OSBPL6: variants seen among roughly 807,000 people sequenced by gnomAD.
OSBPL6 encodes oxysterol binding protein like 6, also known as oxysterol-binding protein-related protein 6.
A neutral mutation model predicts 125.8 loss-of-function variants in OSBPL6; 49 were observed. The observed-to-expected ratio is 0.39, with a 90% CI of 0.31 to 0.49. The LOEUF is 0.49. OSBPL6 is among the 20% of genes least tolerant of loss of function. The pLI, the probability that OSBPL6 is intolerant of heterozygous loss-of-function variation, is 0.88. For missense variants in OSBPL6, 986 were observed against 1,135.4 expected, an observed-to-expected ratio of 0.87 and a Z score of 1.89; for synonymous variants, 394 against 391.8, an observed-to-expected ratio of 1.01 and a Z score of -0.07.
At chr2:178,392,784 C>T (rs1695523663) in intron 23 of OSBPL6, among the ~76,000 whole-genome samples, 2 of 149,994 alleles carry the variant, frequency 1.3e-5, no homozygotes, top group African/African-American at 4.9e-5. Context: ...TCGCTCGAGC[C>T]TAGGATGTTG....
rs764473259 is a variant in OSBPL6, at chr2:178,348,524, GA to G, written c.988-695del. 7.9e-5 allele frequency among the ~76,000 whole-genome samples: 12 copies of G among 152,240 alleles called. No individual in the cohort carries two copies. The East Asian group carries it at 2.3e-3, about 29-fold the overall frequency. ...GCAAGGAAGTACCTCTAGCCATGTG[GA>G]AAAATCTATAGTAATATGACTTTTT... On this transcript the variant is annotated intron_variant, in intron 11 of 24. Transcript: ENST00000190611.
intron 18 of OSBPL6, 48 bp downstream of exon 18, chr2:178,384,224 GT>G: frequency 1.9e-6 from 3 of 1,580,452 alleles, no homozygotes; most frequent in Non-Finnish European, 2.6e-6. Flanking sequence ...TAAGAGGACA[GT>G]TCGGTGATGA....
At chr2:178,325,379 CTT>C (rs1688605492) in intron 4 of OSBPL6, among the ~76,000 whole-genome samples, 1 of 152,184 alleles carries the variant, frequency 6.6e-6, no homozygotes, top group African/African-American at 2.4e-5. Context: ...ACTTGAACCT[CTT>C]TAAACTGTAA....
intron 1 of OSBPL6, among the ~76,000 whole-genome samples, chr2:178,223,393 G>A (rs903887260): frequency 2.0e-5 from 3 of 152,140 alleles, no homozygotes; most frequent in Non-Finnish European, 4.4e-5. Flanking sequence ...TAGAGACATG[G>A]ATTTCTTGTC....
At chr2:178,328,866 T>C (rs1245864706) in intron 5 of OSBPL6, among the ~76,000 whole-genome samples, 1 of 152,226 alleles carries the variant, frequency 6.6e-6, no homozygotes, top group African/African-American at 2.4e-5. Context: ...AGATCTGTAA[T>C]ATACATATGG....
intron 1 of OSBPL6, among the ~76,000 whole-genome samples, chr2:178,268,154 C>T (rs952208546): frequency 6.6e-6 from 1 of 150,518 alleles, no homozygotes; most frequent in Non-Finnish European, 1.5e-5. Context: ...GTGATCTTGG[C>T]TCACTGCAAC....
intron 2 of OSBPL6, among the ~76,000 whole-genome samples, chr2:178,292,286 A>G (rs1685354867): frequency 1.3e-5 from 2 of 152,204 alleles, no homozygotes; most frequent in Admixed American, 1.3e-4. Flanking sequence ...TAATATTTTA[A>G]TAAGTCTAAC....
chr2:178,264,299 C>T (rs2092160294), intron 1 of OSBPL6, among the ~76,000 whole-genome samples: 1 of 152,096 alleles, frequency 6.6e-6, no homozygotes, highest in Non-Finnish European at 1.5e-5. Context: ...GGCATCATTT[C>T]CTTTAAAGAC....
chr2:178,244,651 A>G (rs1191550318), intron 1 of OSBPL6, among the ~76,000 whole-genome samples: 1 of 152,202 alleles, frequency 6.6e-6, no homozygotes, highest in Non-Finnish European at 1.5e-5. Context: ...ATAGTTTTAT[A>G]TGATTCTGAA....
intron 1 of OSBPL6, among the ~76,000 whole-genome samples, chr2:178,266,590 C>T (rs1008520385): frequency 6.6e-6 from 1 of 152,166 alleles, no homozygotes; most frequent in Non-Finnish European, 1.5e-5. Flanking sequence ...TGCTCGGATC[C>T]TGCAGGTCAG....
intron 3 of OSBPL6, among the ~76,000 whole-genome samples, chr2:178,308,194 C>T (rs920288715): frequency 1.3e-4 from 20 of 152,204 alleles, no homozygotes; most frequent in African/African-American, 4.8e-4. Context: ...CTGTCTACCT[C>T]CCTAAGGGGA....
At chr2:178,333,163 G>A (rs1022856012) in intron 8 of OSBPL6, 122 bp downstream of exon 8, 24 of 1,026,628 alleles carry the variant, frequency 2.3e-5, no homozygotes, top group South Asian at 6.0e-5. Flanking sequence ...CGGGTGGATC[G>A]CCTGACAGCC....
chr2:178,216,234 G>C (rs967861277), intron 1 of OSBPL6, among the ~76,000 whole-genome samples: 2 of 152,148 alleles, frequency 1.3e-5, no homozygotes, highest in African/African-American at 4.8e-5. Context: ...GGGGAAAAAG[G>C]ATTACATTCA....
chr2:178,249,761 G>A (rs1335497886), intron 1 of OSBPL6, among the ~76,000 whole-genome samples: 1 of 150,508 alleles, frequency 6.6e-6, no homozygotes, highest in African/African-American at 2.5e-5. Context: ...GGCACCCAGA[G>A]ACTGACTTTC....
intron 1 of OSBPL6, among the ~76,000 whole-genome samples, chr2:178,275,908 G>A (rs2092459738): frequency 6.6e-6 from 1 of 152,138 alleles, no homozygotes; most frequent in East Asian, 1.9e-4. Flanking sequence ...ACTTTTTCCA[G>A]ATGAGGAACC....
At chr2:178,382,603 C>T (rs1260091931) in intron 16 of OSBPL6, 96 bp downstream of exon 16, 5 of 1,562,540 alleles carry the variant, frequency 3.2e-6, no homozygotes, top group Admixed American at 3.8e-5. Flanking sequence ...ACGCCACCCC[C>T]ACCCCTGCTA....
At chr2:178,272,386 A>C (rs1332530797) in intron 1 of OSBPL6, among the ~76,000 whole-genome samples, 1 of 152,216 alleles carries the variant, frequency 6.6e-6, no homozygotes, top group African/African-American at 2.4e-5. Context: ...AAGGCATATT[A>C]GAGATGATGA....
chr2:178,271,812 T>C (rs1374526184), intron 1 of OSBPL6, among the ~76,000 whole-genome samples: 1 of 152,188 alleles, frequency 6.6e-6, no homozygotes, highest in Non-Finnish European at 1.5e-5. Context: ...AGTAATCCAA[T>C]AGATACTAGA....
chr2:178,347,648 T>G (rs1690851139), intron 11 of OSBPL6, among the ~76,000 whole-genome samples: 1 of 152,238 alleles, frequency 6.6e-6, no homozygotes, highest in Non-Finnish European at 1.5e-5. Context: ...CTGGACAGGA[T>G]TCCAGCAGAG....
Sources: gnomAD v4.1 joint callset for allele counts (sites outside exome capture counted in the v4.1 genomes callset) on GRCh38, gnomAD v4.1.1 for gene constraint, MANE v1.5 for transcripts, NCBI Gene and HGNC (gene_info 2026-07-23, HGNC 2026-07-21) for gene names.